CNMD: variants seen among roughly 807,000 people sequenced by gnomAD.
CNMD encodes leukocyte cell-derived chemotaxin 1.
In CNMD, 30 loss-of-function variants were observed where a neutral mutation model predicts 37.5. The ratio of observed to expected loss-of-function variants is 0.80; its 90% CI spans 0.60 to 1.09. CNMD has a LOEUF of 1.09. CNMD is among the 50% of genes least tolerant of loss of function. The probability of loss-of-function intolerance (pLI) is 0.00; values close to 1 mark genes in which losing one functional copy is unlikely to be tolerated. For synonymous variants in CNMD, 167 were observed against 148.2 expected, an observed-to-expected ratio of 1.13 and a Z score of -0.92; for missense variants, 398 against 423.9, an observed-to-expected ratio of 0.94 and a Z score of 0.54.
intron 6 of CNMD, among the ~76,000 whole-genome samples, chr13:52,705,617 A>G (rs1964161217): frequency 6.6e-6 from 1 of 152,178 alleles, no homozygotes; most frequent in African/African-American, 2.4e-5. Context: ...TTAGGATTGA[A>G]AGGTTGGGAG....
intron 3 of CNMD, among the ~76,000 whole-genome samples, chr13:52,727,440 C>T (rs113789076): frequency 0.072 from 11,025 of 152,070 alleles, 467 homozygotes; most frequent in Admixed American, 0.12. Context: ...GGCAGAAGGA[C>T]TGCTTGAGCC....
At chr13:52,712,918 T>C in intron 4 of CNMD, 49 bp from the exon 5 acceptor site, 1 of 1,425,658 alleles carries the variant, frequency 7.0e-7, no homozygotes, top group East Asian at 2.4e-5. Context: ...GTGAAACAAA[T>C]TGTATTAAGA....
Position 52,739,598 on chromosome 13 carries a change from G to A in CNMD, c.72+32C>T. On this transcript the variant is annotated intron_variant, in intron 1 of 6. Coordinates refer to ENST00000377962, the MANE Select transcript of CNMD (RefSeq NM_007015.3). This position sits in a 1 kb window ranked among gnomAD's most constrained non-coding sequence, Gnocchi z 5.4. The stretch of plus-strand genomic sequence containing the variant: ...GGAACCTGATACTCACACAACCCAG[G>A]CCCTGCGTGTGGAATCCCTGGCGGT... 1.3e-6 allele frequency: 2 copies of A among 1,588,654 alleles called. No homozygotes were observed. Among genetic ancestry groups the A allele is most frequent in the South Asian group, 1.1e-5 (1 of 90,536 alleles).
chr13:52,739,370 G>T lies in CNMD; in HGVS notation c.73-199C>A. The T allele has an allele frequency of 1.4e-6, 1 of 695,522 alleles. No individual in the cohort carries two copies. The allele number at this position is 695,522 out of a possible 1,614,324, so 43.1% of individuals were successfully genotyped here. On this transcript the variant is annotated intron_variant, in intron 1 of 6. Coordinates refer to ENST00000377962, the MANE Select transcript of CNMD (RefSeq NM_007015.3). The surrounding 1 kb of genome is among the most constrained non-coding windows in gnomAD (Gnocchi z 5.4). ...GCAGTCGGGCGTGGAAGTGGGATGA[G>T]CAAACCCCGCAGCACAGGGCCTTCG...
At chr13:52,707,137 A>T (rs4884247) in intron 6 of CNMD, among the ~76,000 whole-genome samples, 2 of 151,444 alleles carry the variant, frequency 1.3e-5, no homozygotes, top group Non-Finnish European at 3.0e-5. Context: ...CAGGTGATCC[A>T]CCCACCTCAG....
intron 4 of CNMD, among the ~76,000 whole-genome samples, chr13:52,721,868 C>T (rs545322779): frequency 2.0e-5 from 3 of 152,218 alleles, no homozygotes; most frequent in African/African-American, 7.2e-5. Context: ...AAATCTGGGT[C>T]AGCCATTGTT....
chr13:52,708,566 TGA>T lies in CNMD; in HGVS notation c.757_758del (p.Ser253ThrfsTer6), dbSNP rs1220241429. The T allele has an allele frequency of 6.2e-7, 1 of 1,613,456 alleles. No homozygotes were observed. Among genetic ancestry groups the T allele is most frequent in the Non-Finnish European group, 8.5e-7 (1 of 1,179,686 alleles). On this transcript the variant is annotated frameshift_variant, in exon 6 of 7. Transcript: ENST00000377962. LOFTEE classifies it high-confidence loss of function. ...AAGGATTATCAGGATTGAAGGCTTGTGAGTCCTCTTGAACACTGGGTCTGGTT... is the reference window on the plus strand; with the variant it reads ...AAGGATTATCAGGATTGAAGGCTTGTGTCCTCTTGAACACTGGGTCTGGTT... ...NETRPSVQED[S>X]QAFNPDNPYH...
chr13:52,712,465 C>A (rs1964304550), intron 5 of CNMD, among the ~76,000 whole-genome samples: 1 of 152,176 alleles, frequency 6.6e-6, no homozygotes. Flanking sequence ...ACCAAAGCTG[C>A]AGGTAATGCC....
chr13:52,727,333 T>C (rs1043081580), intron 3 of CNMD, among the ~76,000 whole-genome samples: 3 of 151,872 alleles, frequency 2.0e-5, no homozygotes, highest in African/African-American at 7.3e-5. Context: ...GAGAAGTCTT[T>C]TGAAATAACC....
intron 3 of CNMD, among the ~76,000 whole-genome samples, chr13:52,727,267 T>C (rs1463433485): frequency 5.9e-5 from 9 of 151,860 alleles, no homozygotes; most frequent in Non-Finnish European, 8.8e-5. Context: ...AGACTCCGTC[T>C]CAAATAAAAA....
intron 5 of CNMD, among the ~76,000 whole-genome samples, chr13:52,711,823 G>C (rs1421288221): frequency 6.8e-6 from 1 of 146,998 alleles, no homozygotes; most frequent in Non-Finnish European, 1.5e-5. Context: ...TCTAGAACAT[G>C]TTTCATCTTG....
At position 52,708,606 on chromosome 13, in the gene CNMD, C is replaced by T. The variant is rs1219589775; in HGVS notation, c.719G>A (p.Arg240Lys). 1.9e-6 allele frequency: 3 copies of T among 1,614,060 alleles called. No homozygotes were observed. Among genetic ancestry groups the T allele is most frequent in the Non-Finnish European group, 1.7e-6 (2 of 1,179,956 alleles). ...SGPRSNPGAG[R>K]LNNETRPSVQ... ...ACTGGGTCTGGTTTCATTATTCAGT[C>T]TTCCAGCGCCTGGGTTGCTCCGTGG... Residue 240 changes from arginine (R) to lysine (K), a missense_variant, in exon 6 of 7, where the codon AGA (arginine) becomes AAA (lysine). Coordinates refer to ENST00000377962, the MANE Select transcript of CNMD (RefSeq NM_007015.3).
intron 6 of CNMD, 50 bp downstream of exon 6, chr13:52,708,486 A>G: frequency 1.3e-6 from 2 of 1,546,346 alleles, no homozygotes; most frequent in Non-Finnish European, 1.8e-6. Context: ...CGGCCTTGGC[A>G]CTATGTTTAA....
In CNMD at chr13:52,736,055, A is replaced by G. The variant is rs540403444; in HGVS notation, c.214-2696T>C. 2.1e-3 allele frequency among the ~76,000 whole-genome samples: 308 copies of G among 149,172 alleles called. 1 individual carries two copies. The highest frequency in any genetic ancestry group is 7.0e-3 in the African/African-American group (283 of 40,230). On this transcript the variant is annotated intron_variant, in intron 2 of 6. Transcript: ENST00000377962. ...GTCGCCCAGGCTGGAGTGCAGTGGC[A>G]CAATCTCCACTCACTGCAAGCTCCG...
chr13:52,710,528 C>A (rs1361717023), intron 5 of CNMD, among the ~76,000 whole-genome samples: 1 of 152,200 alleles, frequency 6.6e-6, no homozygotes, highest in Non-Finnish European at 1.5e-5. Context: ...ACACTGATGA[C>A]CTGCTGGCTT....
intron 4 of CNMD, among the ~76,000 whole-genome samples, chr13:52,721,909 G>A (rs1964490187): frequency 6.6e-6 from 1 of 152,136 alleles, no homozygotes; most frequent in Admixed American, 6.5e-5. Flanking sequence ...AGGCAGGAGA[G>A]GAGAACAAGT....
chr13:52,709,575 G>T (rs1245465132), intron 5 of CNMD, among the ~76,000 whole-genome samples: 1 of 152,234 alleles, frequency 6.6e-6, no homozygotes, highest in African/African-American at 2.4e-5. Flanking sequence ...ACTTGGCCAA[G>T]ATCACAGAAT....
rs1030232908 is a variant in CNMD at position 52,739,473 on chromosome 13, C to A, written c.72+157G>T. ...GTGGATGCCGTGACCCCTGCACACTCATACGCGTGGGGCGACATCCCACCC... is the reference window on the plus strand; with the variant it reads ...GTGGATGCCGTGACCCCTGCACACTAATACGCGTGGGGCGACATCCCACCC... On this transcript the variant is annotated intron_variant, in intron 1 of 6. Coordinates refer to ENST00000377962, the MANE Select transcript of CNMD (RefSeq NM_007015.3). This position sits in a 1 kb window ranked among gnomAD's most constrained non-coding sequence, Gnocchi z 5.4. 1.4e-6 allele frequency: 1 copy of A among 734,618 alleles called. No homozygotes were observed. Among genetic ancestry groups the A allele is most frequent in the Non-Finnish European group, 2.3e-6 (1 of 427,878 alleles). 45.5% of individuals were successfully genotyped at this position (734,618 alleles called of 1,614,324 possible).
intron 4 of CNMD, among the ~76,000 whole-genome samples, chr13:52,713,719 T>C (rs1372783982): frequency 6.6e-6 from 1 of 152,176 alleles, no homozygotes; most frequent in African/African-American, 2.4e-5. Context: ...AGGAAATGAA[T>C]GCTCTTTGAG....
Sources: gnomAD v4.1 joint callset for allele counts (sites outside exome capture counted in the v4.1 genomes callset) on GRCh38, gnomAD v4.1.1 for gene constraint, Gnocchi (gnomAD v3.1) non-coding constraint, MANE v1.5 for transcripts, NCBI Gene and HGNC (gene_info 2026-07-23, HGNC 2026-07-21) for gene names.